Variants in CIITA observed in about 807,000 individuals in gnomAD.
CIITA encodes the protein MHC class II transactivator.
A neutral mutation model predicts 115.1 loss-of-function variants in CIITA; 72 were observed. That is an observed-to-expected ratio of 0.63 (90% confidence interval 0.52 to 0.76). The LOEUF is 0.76. CIITA is among the 30% of genes least tolerant of loss of function. The pLI, the probability that CIITA is intolerant of heterozygous loss-of-function variation, is 0.00. For synonymous variants in CIITA, 763 were observed against 635.6 expected (o/e 1.20, Z -3.02); for missense variants, 1,617 against 1,463.8 (o/e 1.10, Z -1.71).
chr16:10,901,624 G>T lies in CIITA; in HGVS notation c.481+66G>T. ...CCTTGGGGAGGGGATGGAAGAGATT[G>T]AACTCCTGGCCCAAGTCTGATGGGG... On this transcript the variant is annotated intron_variant, in intron 6 of 19. Coordinates refer to ENST00000324288, the MANE Select transcript of CIITA (RefSeq NM_000246.4). This position sits in a 1 kb window ranked among gnomAD's most constrained non-coding sequence, Gnocchi z 6.8. 1 of 1,526,872 alleles carries T rather than the reference G, an allele frequency of 6.5e-7. No homozygotes were observed. Among genetic ancestry groups the T allele is most frequent in the South Asian group, 1.1e-5 (1 of 87,420 alleles). 94.6% of individuals were successfully genotyped at this position (1,526,872 alleles called of 1,614,324 possible).
At chr16:10,914,948 G>T in intron 13 of CIITA, 1 of 403,844 alleles carries the variant, frequency 2.5e-6, no homozygotes, top group Admixed American at 2.9e-5. Context: ...CGGGAGAAGG[G>T]TATCTGTGGA....
chr16:10,907,010 G>A lies in CIITA; in HGVS notation c.1518G>A (p.Ala506=), dbSNP rs201215476. The change falls in exon 11 of 20, where the codon GCG becomes GCA. Residue 506 remains alanine (A), a synonymous_variant. Transcript: ENST00000324288. The surrounding 1 kb of genome is among the most constrained non-coding windows in gnomAD (Gnocchi z 5.0). ...LILDGFEELE[A]QDGFLHSTCG... is the part of the protein sequence containing the mutation. ...TAGACGGCTTCGAGGAGCTGGAAGC[G>A]CAAGATGGCTTCCTGCACAGCACGT... is the stretch of plus-strand genomic sequence containing the variant. 3.5e-4 allele frequency: 568 copies of A among 1,609,428 alleles called. 1 individual carries two copies. The highest frequency in any genetic ancestry group is 9.2e-5 in the Non-Finnish European group (109 of 1,179,846).
upstream of CIITA, among the ~76,000 whole-genome samples, chr16:10,873,694 C>A (rs1210189226): frequency 1.3e-5 from 2 of 152,136 alleles, no homozygotes; most frequent in African/African-American, 4.8e-5. Context: ...ACTTGGAAGA[C>A]CTAGTTACTC....
At chr16:10,877,482 G>A in intron 1 of CIITA, 100 bp downstream of exon 1, 1 of 1,235,548 alleles carries the variant, frequency 8.1e-7, no homozygotes, top group South Asian at 1.3e-5. Context: ...GGATGGGGGT[G>A]AGGATGGGAA....
chr16:10,906,133 T>A (rs568311741), intron 10 of CIITA, among the ~76,000 whole-genome samples: 19 of 152,040 alleles, frequency 1.2e-4, no homozygotes, highest in African/African-American at 4.3e-4. Flanking sequence ...GTTGAAGCTG[T>A]GGTGGACCAT....
In CIITA at chr16:10,907,442, C is replaced by T. The variant is rs1317996693; in HGVS notation, c.1950C>T (p.Leu650=). ...LYVGLLGRAA[L]DSPPGALAEL... is the part of the protein sequence containing the mutation. ...TCGGCCTGCTGGGCCGTGCAGCCCT[C>T]GACAGCCCCCCCGGGGCCCTGGCAG... Residue 650 remains leucine, a synonymous_variant, in exon 11 of 20, where the codon CTC becomes CTT. Transcript: ENST00000324288. This position sits in a 1 kb window ranked among gnomAD's most constrained non-coding sequence, Gnocchi z 5.0. 1.2e-6 allele frequency: 2 copies of T among 1,612,896 alleles called. No homozygotes were observed. Among genetic ancestry groups the T allele is most frequent in the Non-Finnish European group, 8.5e-7 (1 of 1,179,798 alleles).
At chr16:10,876,601 T>G (rs4781010), upstream of CIITA, among the ~76,000 whole-genome samples, 1 of 152,038 alleles carries the variant, frequency 6.6e-6, no homozygotes, top group South Asian at 2.1e-4. Flanking sequence ...CCTATGGGAG[T>G]CAGTATTATT....
chr16:10,898,840 C>T, intron 4 of CIITA, 85 bp from the exon 5 acceptor site: 2 of 1,587,070 alleles, frequency 1.3e-6, no homozygotes, highest in East Asian at 2.2e-5. Context: ...GCAGTCAGAC[C>T]CCTCTCCCCA....
At chr16:10,871,268 C>T (rs539503885) in intron 1 of CIITA, among the ~76,000 whole-genome samples, 1 of 152,170 alleles carries the variant, frequency 6.6e-6, no homozygotes, top group South Asian at 2.1e-4. Context: ...TTGAGGCTGG[C>T]GTCTGAGGCA....
chr16:10,919,227 T>C (rs983528419), intron 16 of CIITA, among the ~76,000 whole-genome samples: 4 of 152,212 alleles, frequency 2.6e-5, no homozygotes, highest in African/African-American at 9.6e-5. Context: ...GGAGTCTCGC[T>C]CTGTCACCCA....
At position 10,901,903 on chromosome 16, in the gene CIITA, C is replaced by A; in HGVS notation, c.482-135C>A. On this transcript the variant is annotated intron_variant, in intron 6 of 19. Transcript: ENST00000324288. This position sits in a 1 kb window ranked among gnomAD's most constrained non-coding sequence, Gnocchi z 6.8. ...GGCACAGAGCAGTTGCTGATCAACACAGCTGCAGCCAGGGCTGAGAAGATG... is the reference window on the plus strand; with the variant it reads ...GGCACAGAGCAGTTGCTGATCAACAAAGCTGCAGCCAGGGCTGAGAAGATG... 1.6e-6 allele frequency: 2 copies of A among 1,283,882 alleles called. No homozygotes were observed. The highest frequency in any genetic ancestry group is 2.2e-6 in the Non-Finnish European group (2 of 899,400). 79.5% of individuals were successfully genotyped at this position (1,283,882 alleles called of 1,614,324 possible).
In CIITA at chr16:10,915,605, A is replaced by T; in HGVS notation, c.2924A>T (p.Lys975Ile). 3 of 1,613,996 alleles carry T rather than the reference A, an allele frequency of 1.9e-6. No homozygotes were observed. The highest frequency in any genetic ancestry group is 2.5e-6 in the Non-Finnish European group (3 of 1,179,984). Residue 975 changes from lysine to isoleucine, a missense_variant, in exon 14 of 20, where the codon AAA becomes ATA. Physicochemically the swap from Lys to Ile is moderately radical, Grantham distance 102. Coordinates refer to ENST00000324288, the MANE Select transcript of CIITA (RefSeq NM_000246.4). ...GPVSGPQAFP[K>I]LVRILTAFSS... ...GTCTCAGGCCCCCAGGCTTTCCCCA[A>T]ACTGGTGCGGATCCTCACGGCCTTT...
Position 10,935,575 on chromosome 16 carries a change from A to C in CIITA, c.*11720A>C, listed in dbSNP as rs1473510551. Reference sequence around the variant, plus strand: ...TGAAGCACTAAAACTAGTGCATTTCATCTTAAACTGCAAATTATAAAGGGA... The same window carrying C: ...TGAAGCACTAAAACTAGTGCATTTCCTCTTAAACTGCAAATTATAAAGGGA... On this transcript the variant is annotated 3_prime_UTR_variant, in exon 20 of 20. Transcript: ENST00000324288. The C allele has an allele frequency of 6.6e-6, 1 of 152,246 alleles. No homozygotes were observed. Among genetic ancestry groups the C allele is most frequent in the Non-Finnish European group, 1.5e-5 (1 of 68,040 alleles). 9.4% of individuals were successfully genotyped at this position (152,246 alleles called of 1,614,324 possible).
chr16:10,885,695 C>T (rs1381402667), intron 1 of CIITA, among the ~76,000 whole-genome samples: 3 of 152,140 alleles, frequency 2.0e-5, no homozygotes, highest in Non-Finnish European at 4.4e-5. Context: ...TCCCCAGGAC[C>T]CTGGGCTCTT....
chr16:10,894,440 G>A (rs1268156839), intron 1 of CIITA, among the ~76,000 whole-genome samples: 1 of 152,056 alleles, frequency 6.6e-6, no homozygotes, highest in Non-Finnish European at 1.5e-5. Context: ...AGGTTTTTGT[G>A]TGGATATATC....
rs2040813875 is a variant in CIITA at position 10,931,884 on chromosome 16, C to CT, written c.*8030dup. ...ATAGCCTAGGTGACAGAGTGAGACT[C>CT]TGTCTCAAAAAAACACAAAAGTTTC... On this transcript the variant is annotated 3_prime_UTR_variant, in exon 20 of 20. Transcript: ENST00000324288. 6.6e-6 allele frequency: 1 copy of CT among 152,204 alleles called. No homozygotes were observed. The allele number at this position is 152,204 out of a possible 1,614,324, so 9.4% of individuals were successfully genotyped here.
Position 10,901,405 on chromosome 16 carries a change from C to G in CIITA, c.437-109C>G, listed in dbSNP as rs2038738213. ...AGGGGAGGAAAATGGACCCCCAAGA[C>G]CACTACCCAGCCTTGAAGTTAAGGC... On this transcript the variant is annotated intron_variant, in intron 5 of 19. Coordinates refer to ENST00000324288, the MANE Select transcript of CIITA (RefSeq NM_000246.4). The surrounding 1 kb of genome is among the most constrained non-coding windows in gnomAD (Gnocchi z 6.8). 6 of 1,209,220 alleles carry G rather than the reference C, an allele frequency of 5.0e-6. 1 individual carries two copies. The highest frequency in any genetic ancestry group is 7.3e-6 in the Non-Finnish European group (6 of 825,116). The allele number at this position is 1,209,220 out of a possible 1,614,324, so 74.9% of individuals were successfully genotyped here.
chr16:10,912,296 T>G, intron 13 of CIITA, among the ~76,000 whole-genome samples: 1 of 152,166 alleles, frequency 6.6e-6, no homozygotes, highest in East Asian at 1.9e-4. Context: ...GTATTTTTAG[T>G]AGAGACGGGC....
chr16:10,919,497 G>A (rs1162616768), intron 16 of CIITA, among the ~76,000 whole-genome samples: 2 of 125,574 alleles, frequency 1.6e-5, no homozygotes, highest in African/African-American at 2.7e-5. Context: ...CACCATGCCC[G>A]GCCAACTTAT....
Sources: allele counts gnomAD v4.1 joint callset (sites outside exome capture counted in the v4.1 genomes callset), GRCh38; gene constraint gnomAD v4.1.1; non-coding constraint Gnocchi (gnomAD v3.1); transcripts MANE v1.5; gene names NCBI Gene and HGNC (gene_info 2026-07-23, HGNC 2026-07-21).